Variants in TERF2IP observed in about 807,000 individuals in gnomAD.
The protein encoded by TERF2IP is TERF2 interacting protein.
Under a neutral mutation model 33.3 loss-of-function variants are expected in TERF2IP, and 35 were observed. That is an observed-to-expected ratio of 1.05 (90% CI 0.80 to 1.39). The LOEUF (loss-of-function observed/expected upper bound fraction) is 1.39. TERF2IP is among the 40% of genes most tolerant of loss of function. The pLI is 0.00. For synonymous variants in TERF2IP, 253 were observed against 223.2 expected, an observed-to-expected ratio of 1.13 and a Z score of -1.19; for missense variants, 583 against 524.8, an observed-to-expected ratio of 1.11 and a Z score of -1.08.
Position 75,656,427 on chromosome 16 carries a change from A to G in TERF2IP, c.1016A>G (p.Asn339Ser), listed in dbSNP as rs1239487236. 6.2e-7 allele frequency: 1 copy of G among 1,614,210 alleles called. No homozygotes were observed. Among genetic ancestry groups the G allele is most frequent in the Non-Finnish European group, 8.5e-7 (1 of 1,180,026 alleles). ...ACAGTTACACAGGCCTTCCTAAAAA[A>G]TAGTGGTGAGCTGGAGGCTACTTCC... ...LSTVTQAFLK[N>S]SGELEATSAF... Residue 339 changes from asparagine (N) to serine (S), a missense_variant, in exon 3 of 3, where the codon AAT (asparagine) becomes AGT (serine). Coordinates refer to ENST00000300086, the MANE Select transcript of TERF2IP (RefSeq NM_018975.4).
In TERF2IP at chr16:75,648,361, G is replaced by A. The variant is rs563169297; in HGVS notation, c.479G>A (p.Gly160Asp). The A allele has an allele frequency of 6.2e-7, 1 of 1,601,532 alleles. No individual in the cohort carries two copies. Among genetic ancestry groups the A allele is most frequent in the South Asian group, 1.1e-5 (1 of 88,766 alleles). ...ENARSPSSVT[G>D]NALWKAMEKS... ...GCCCGCTCGCCCAGCTCCGTCACCG[G>A]TAACGCCTTGTGGAAAGCGATGGAG... Residue 160 changes from glycine to aspartate, a missense_variant, in exon 1 of 3, where the codon GGT becomes GAT. Transcript: ENST00000300086.
At chr16:75,654,922 G>T (rs1426328655) in intron 2 of TERF2IP, among the ~76,000 whole-genome samples, 2 of 152,146 alleles carry the variant, frequency 1.3e-5, no homozygotes, top group Non-Finnish European at 2.9e-5. Flanking sequence ...TAGAGACGGG[G>T]TTTCACTGTG....
At position 75,656,784 on chromosome 16, in the gene TERF2IP, G is replaced by C. The variant is rs2082390429; in HGVS notation, c.*173G>C. On this transcript the variant is annotated 3_prime_UTR_variant, in exon 3 of 3. Transcript: ENST00000300086. ...TGTAGCCAAGCAGAGTTGTAGAGGG[G>C]GATAAAAAGAAAAGAAATTGGATGT... The C allele has an allele frequency of 1.1e-5, 7 of 609,742 alleles. No homozygotes were observed. The South Asian group carries it at 1.6e-4, about 14-fold the overall frequency. The allele number at this position is 609,742 out of a possible 1,614,324, so 37.8% of individuals were successfully genotyped here. A position where few individuals can be genotyped will look rare whatever the true frequency, so the allele number is the denominator to read the frequency against.
intron 1 of TERF2IP, among the ~76,000 whole-genome samples, chr16:75,649,492 C>T (rs1412144127): frequency 6.6e-6 from 1 of 151,030 alleles, no homozygotes; most frequent in Non-Finnish European, 1.5e-5. Flanking sequence ...TGCAGTGAGC[C>T]GAGACTGCGC....
rs1471948625 is a variant in TERF2IP, at chr16:75,657,281, A to G, written c.*670A>G. 6.6e-6 allele frequency: 1 copy of G among 152,154 alleles called. No homozygotes were observed. Among genetic ancestry groups the G allele is most frequent in the Non-Finnish European group, 1.5e-5 (1 of 68,068 alleles). 9.4% of individuals were successfully genotyped at this position (152,154 alleles called of 1,614,324 possible). A position where few individuals can be genotyped will look rare whatever the true frequency, so the allele number is the denominator to read the frequency against. On this transcript the variant is annotated 3_prime_UTR_variant, in exon 3 of 3. Transcript: ENST00000300086. ...TTCCTTAAAACGCGCACACAACTCTAGAGAGTGTTAAGAATAATGTTACTT... is the reference window on the plus strand; with the variant it reads ...TTCCTTAAAACGCGCACACAACTCTGGAGAGTGTTAAGAATAATGTTACTT...
chr16:75,652,533 G>T (rs2082355143), intron 1 of TERF2IP, among the ~76,000 whole-genome samples: 1 of 151,886 alleles, frequency 6.6e-6, no homozygotes, highest in South Asian at 2.1e-4. Context: ...CCAACTTCCT[G>T]GACTGTTTTG....
rs2082385363 is a variant in TERF2IP at position 75,656,315 on chromosome 16, G to A, written c.904G>A (p.Glu302Lys). The A allele has an allele frequency of 8.1e-6, 13 of 1,614,032 alleles. No individual in the cohort carries two copies. The highest frequency in any genetic ancestry group is 1.1e-5 in the Non-Finnish European group (13 of 1,180,034). Residue 302 changes from glutamate to lysine, a missense_variant, in exon 3 of 3, where the codon GAA (glutamate) becomes AAA (lysine). Coordinates refer to ENST00000300086, the MANE Select transcript of TERF2IP (RefSeq NM_018975.4). ...ETQPDEEEEE[E>K]EEKVSQPEVG... is the part of the protein sequence containing the mutation. ...ACAGCCTGATGAGGAGGAAGAAGAA[G>A]AAGAAGAAAAAGTTTCTCAACCAGA...
At chr16:75,655,871 C>G (rs905527226) in intron 2 of TERF2IP, among the ~76,000 whole-genome samples, 1 of 151,714 alleles carries the variant, frequency 6.6e-6, no homozygotes, top group Non-Finnish European at 1.5e-5. Flanking sequence ...ATATGTGTCT[C>G]TCTCTTTATA....
chr16:75,652,630 T>A (rs531079211), intron 1 of TERF2IP, among the ~76,000 whole-genome samples: 1 of 152,356 alleles, frequency 6.6e-6, no homozygotes, highest in East Asian at 1.9e-4. Flanking sequence ...TTTAAGAATT[T>A]TATTAAATAC....
intron 2 of TERF2IP, among the ~76,000 whole-genome samples, chr16:75,654,887 C>T (rs1597189089): frequency 2.0e-5 from 3 of 152,094 alleles, no homozygotes; most frequent in Admixed American, 6.5e-5. Context: ...CACCACCATG[C>T]CTGGCTAATT....
Position 75,647,838 on chromosome 16 carries a change from G to A in TERF2IP, c.-45G>A. On this transcript the variant is annotated 5_prime_UTR_variant, in exon 1 of 3. Coordinates refer to ENST00000300086, the MANE Select transcript of TERF2IP (RefSeq NM_018975.4). Reference sequence around the variant, plus strand: ...CAGTCAGTTGAGCTCTGTGTGCCAGGCGCTCGCGAGGGGGTAGCTCTTCTA... The same window carrying A: ...CAGTCAGTTGAGCTCTGTGTGCCAGACGCTCGCGAGGGGGTAGCTCTTCTA... 6.3e-7 allele frequency: 1 copy of A among 1,596,310 alleles called. No individual in the cohort carries two copies. The highest frequency in any genetic ancestry group is 1.1e-5 in the South Asian group (1 of 89,890).
At chr16:75,651,652 G>A (rs2082348095) in intron 1 of TERF2IP, among the ~76,000 whole-genome samples, 1 of 152,106 alleles carries the variant, frequency 6.6e-6, no homozygotes, top group Non-Finnish European at 1.5e-5. Context: ...TCAAGCCCCT[G>A]CACTCCAGCC....
At position 75,648,607 on chromosome 16, in the gene TERF2IP, C is replaced by G. The variant is rs532306263; in HGVS notation, c.670+55C>G. 7.5e-6 allele frequency: 11 copies of G among 1,461,318 alleles called. No individual in the cohort carries two copies. The South Asian group carries it at 1.2e-4, about 16-fold the overall frequency. The allele number at this position is 1,461,318 out of a possible 1,614,324, so 90.5% of individuals were successfully genotyped here. On this transcript the variant is annotated intron_variant, in intron 1 of 2. Transcript: ENST00000300086. Reference sequence around the variant, plus strand: ...ATATCTGCGCGGGTGGGGTTGGGATCTTTCTCCTGGCTGCCTGGCGTCCAT... The same window carrying G: ...ATATCTGCGCGGGTGGGGTTGGGATGTTTCTCCTGGCTGCCTGGCGTCCAT...
Position 75,647,905 on chromosome 16 carries a change from G to T in TERF2IP, c.23G>T (p.Gly8Val), listed in dbSNP as rs753064701. 2 of 1,608,274 alleles carry T rather than the reference G, an allele frequency of 1.2e-6. No homozygotes were observed. The highest frequency in any genetic ancestry group is 1.7e-5 in the Admixed American group (1 of 59,624). Residue 8 changes from glycine (G) to valine (V), a missense_variant, in exon 1 of 3, where the codon GGC (glycine) becomes GTC (valine). Transcript: ENST00000300086. ...GACATGGCGGAGGCGATGGATTTGGGCAAAGACCCCAACGGGCCCACCCAT... is the reference window on the plus strand; with the variant it reads ...GACATGGCGGAGGCGATGGATTTGGTCAAAGACCCCAACGGGCCCACCCAT... MAEAMDL[G>V]KDPNGPTHSS...
At chr16:75,650,122 T>C (rs1440453884) in intron 1 of TERF2IP, among the ~76,000 whole-genome samples, 1 of 152,236 alleles carries the variant, frequency 6.6e-6, no homozygotes, top group Non-Finnish European at 1.5e-5. Context: ...GTGGTCCTGC[T>C]GGAATATAAC....
chr16:75,655,560 G>A (rs1490235483), intron 2 of TERF2IP, among the ~76,000 whole-genome samples: 1 of 152,192 alleles, frequency 6.6e-6, no homozygotes, highest in African/African-American at 2.4e-5. Context: ...GTTGCCTTTT[G>A]TAGTCTGTTT....
At chr16:75,653,117 A>G (rs2082359231) in intron 1 of TERF2IP, among the ~76,000 whole-genome samples, 1 of 152,212 alleles carries the variant, frequency 6.6e-6, no homozygotes, top group Admixed American at 6.5e-5. Context: ...AAGGTGAATA[A>G]TATTCCATTG....
At chr16:75,648,803 C>G (rs1035971406) in intron 1 of TERF2IP, 25 of 1,037,848 alleles carry the variant, frequency 2.4e-5, no homozygotes, top group Admixed American at 6.9e-5. Flanking sequence ...ATCCTCCTGC[C>G]TCGGCCACCC....
rs552105791 is a variant in TERF2IP, at chr16:75,648,651, A to G, written c.670+99A>G. 12 of 1,439,174 alleles carry G rather than the reference A, an allele frequency of 8.3e-6. 1 individual carries two copies. In the South Asian group the frequency reaches 1.3e-4, roughly 16 times the overall value. The allele number at this position is 1,439,174 out of a possible 1,614,324, so 89.2% of individuals were successfully genotyped here. On this transcript the variant is annotated intron_variant, in intron 1 of 2. Transcript: ENST00000300086. ...CGTCCATCTTGGCATCTTCGGTAGC[A>G]GCGCTTGGCCCCGCCCCCTGTTGAC...
Sources: allele counts gnomAD v4.1 joint callset (sites outside exome capture counted in the v4.1 genomes callset), GRCh38; gene constraint gnomAD v4.1.1; transcripts MANE v1.5; gene names NCBI Gene and HGNC (gene_info 2026-07-23, HGNC 2026-07-21).